Variants in CASD1 observed in about 807,000 individuals in gnomAD.
CASD1 encodes the protein N-acetylneuraminate (7)9-O-acetyltransferase.
CASD1 carries 41 observed loss-of-function variants against 100.0 expected under a neutral mutation model. The ratio of observed to expected loss-of-function variants is 0.41; its 90% CI spans 0.32 to 0.53. CASD1 has a LOEUF of 0.53. Among genes scored for constraint, CASD1 ranks in the 20% least tolerant of loss-of-function variants. The pLI, the probability that CASD1 is intolerant of heterozygous loss-of-function variation, is 0.25. For synonymous variants in CASD1, 321 were observed against 315.6 expected (o/e 1.02, Z -0.18); for missense variants, 774 against 948.7 (o/e 0.82, Z 2.42).
chr7:94,562,034 T>G, the CASD1 span, among the ~76,000 whole-genome samples: 3 of 152,298 alleles, frequency 2.0e-5, no homozygotes, highest in South Asian at 6.2e-4. Context: ...GTGTCAACTG[T>G]AGGAATGTTG....
At chr7:94,537,165 T>C (rs987503486) in intron 8 of CASD1, among the ~76,000 whole-genome samples, 1 of 151,772 alleles carries the variant, frequency 6.6e-6, no homozygotes, top group African/African-American at 2.4e-5. Context: ...AAAAAAGGAA[T>C]AGAATAGAAC....
chr7:94,527,644 A>G (rs1316202172), intron 4 of CASD1, among the ~76,000 whole-genome samples: 2 of 152,222 alleles, frequency 1.3e-5, no homozygotes, highest in Non-Finnish European at 2.9e-5. Flanking sequence ...TCCATGCAGA[A>G]GTGATATTTT....
In CASD1 at chr7:94,535,788, T is replaced by A. The variant is rs1795088394; in HGVS notation, c.843+265T>A. On this transcript the variant is annotated intron_variant, in intron 8 of 17. Coordinates refer to ENST00000297273, the MANE Select transcript of CASD1 (RefSeq NM_022900.5). ...TTCATTTACTGAGTGCTAATCACTG[T>A]TAATATACATTGTCTCCTCAGAAGC... Among the ~76,000 whole-genome samples, 3 of 152,190 alleles carry A rather than the reference T, an allele frequency of 2.0e-5. No individual in the cohort carries two copies. The South Asian group carries it at 6.2e-4, about 32-fold the overall frequency.
At chr7:94,554,236 T>C (rs556056314) in intron 16 of CASD1, 5 of 267,286 alleles carry the variant, frequency 1.9e-5, no homozygotes, top group East Asian at 6.6e-5. Flanking sequence ...TACATAAAAT[T>C]GTTCAGCCAT....
chr7:94,567,280 TTC>T, the CASD1 span, among the ~76,000 whole-genome samples: 2 of 152,184 alleles, frequency 1.3e-5, no homozygotes, highest in African/African-American at 4.8e-5. Flanking sequence ...TGATTTATTT[TTC>T]TCTTTTCTAA....
intron 12 of CASD1, 54 bp from the exon 13 acceptor site, chr7:94,547,042 T>C: frequency 9.1e-7 from 1 of 1,099,936 alleles, no homozygotes; most frequent in Non-Finnish European, 1.3e-6. Flanking sequence ...GAGTATTTAA[T>C]ATGTTGTCTA....
At chr7:94,576,252 G>A in the CASD1 span, among the ~76,000 whole-genome samples, 1 of 152,114 alleles carries the variant, frequency 6.6e-6, no homozygotes, top group Non-Finnish European at 1.5e-5. Flanking sequence ...TCTGCTGCCT[G>A]CTCAAATCTG....
At position 94,517,640 on chromosome 7, in the gene CASD1, C is replaced by T; in HGVS notation, c.214C>T (p.His72Tyr). 1 of 1,600,210 alleles carries T rather than the reference C, an allele frequency of 6.2e-7. No individual in the cohort carries two copies. Among genetic ancestry groups the T allele is most frequent in the Non-Finnish European group, 8.5e-7 (1 of 1,170,342 alleles). ...TTGGCAACCTCACAGTTGTATGATG[C>T]ATAAATACAAAATCAGGTAACATTT... ...KVWQPHSCMM[H>Y]KYKISEAKNC... The change falls in exon 2 of 18, where the codon CAT becomes TAT. Residue 72 changes from histidine to tyrosine, a missense_variant. Around this residue, in one of 5 missense-constraint regions of CASD1, gnomAD observed 61 missense variants for 115.9 expected, o/e 0.53. Coordinates refer to ENST00000297273, the MANE Select transcript of CASD1 (RefSeq NM_022900.5).
intron 3 of CASD1, among the ~76,000 whole-genome samples, chr7:94,523,926 C>T (rs112661305): frequency 1.3e-5 from 2 of 152,070 alleles, no homozygotes; most frequent in African/African-American, 4.8e-5. Context: ...ACAGAAATGC[C>T]ATTGATGATC....
At chr7:94,510,861 G>T (rs762368938) in intron 1 of CASD1, among the ~76,000 whole-genome samples, 20 of 152,364 alleles carry the variant, frequency 1.3e-4, no homozygotes, top group Non-Finnish European at 4.4e-5. Flanking sequence ...TAAAGGCTTC[G>T]GAGTGCACAC....
At chr7:94,630,148 A>C in the CASD1 span, among the ~76,000 whole-genome samples, 1 of 152,010 alleles carries the variant, frequency 6.6e-6, no homozygotes. Flanking sequence ...TCTTTTTGGT[A>C]ATTTCTTTTT....
the CASD1 span, among the ~76,000 whole-genome samples, chr7:94,562,534 T>C: frequency 6.6e-6 from 1 of 152,200 alleles, no homozygotes; most frequent in African/African-American, 2.4e-5. Flanking sequence ...CTATAACAAA[T>C]GTTCACAGTT....
At chr7:94,534,504 A>G (rs1188948566) in intron 7 of CASD1, among the ~76,000 whole-genome samples, 1 of 152,212 alleles carries the variant, frequency 6.6e-6, no homozygotes, top group Non-Finnish European at 1.5e-5. Flanking sequence ...TAAATAAAAT[A>G]CACTTTTGAA....
the CASD1 span, among the ~76,000 whole-genome samples, chr7:94,604,783 T>G: frequency 2.0e-5 from 2 of 102,000 alleles, no homozygotes; most frequent in African/African-American, 7.4e-5. Context: ...CATAGAATTA[T>G]TTTTTATAAC....
At chr7:94,600,667 A>G in the CASD1 span, 1 of 1,613,618 alleles carries the variant, frequency 6.2e-7, no homozygotes, top group Non-Finnish European at 8.5e-7. Flanking sequence ...TCGGCAGCAC[A>G]TGATATAAGC....
At chr7:94,595,302 A>G in the CASD1 span, among the ~76,000 whole-genome samples, 1 of 152,180 alleles carries the variant, frequency 6.6e-6, no homozygotes, top group Non-Finnish European at 1.5e-5. Context: ...TAAAGGAACA[A>G]ACTAGTTTTA....
intron 10 of CASD1, among the ~76,000 whole-genome samples, chr7:94,539,645 G>C (rs1388649705): frequency 6.7e-6 from 1 of 149,354 alleles, no homozygotes; most frequent in African/African-American, 2.5e-5. Context: ...CTCCAGCCTG[G>C]GTTGCAGAGT....
At chr7:94,627,371 A>G in the CASD1 span, 1 of 152,006 alleles carries the variant, frequency 6.6e-6, no homozygotes, top group East Asian at 1.9e-4. Context: ...CCCAGCTACA[A>G]TGCTAGGTGC....
chr7:94,539,426 T>C (rs1166962981), intron 10 of CASD1, among the ~76,000 whole-genome samples: 1 of 152,092 alleles, frequency 6.6e-6, no homozygotes. Context: ...CCTAGCACTT[T>C]CGGAGGCCGA....
Sources: allele counts gnomAD v4.1 joint callset (sites outside exome capture counted in the v4.1 genomes callset), GRCh38; gene constraint gnomAD v4.1.1; regional missense constraint gnomAD v4.1.1; transcripts MANE v1.5; gene names NCBI Gene and HGNC (gene_info 2026-07-23, HGNC 2026-07-21).